The following PARP14 variants were observed in gnomAD, a reference collection of about 807,000 sequenced individuals.
PARP14 encodes poly(ADP-ribose) polymerase family member 14.
A neutral mutation model predicts 154.2 loss-of-function variants in PARP14; 59 were observed. The observed-to-expected ratio is 0.38, with a 90% CI of 0.31 to 0.48. The LOEUF (loss-of-function observed/expected upper bound fraction) is 0.48, where lower values mean the gene tolerates loss of function less well. Among genes scored for constraint, PARP14 ranks in the 20% least tolerant of loss-of-function variants. The pLI, the probability that PARP14 is intolerant of heterozygous loss-of-function variation, is 0.98. For synonymous variants in PARP14, 720 were observed against 780.5 expected, an observed-to-expected ratio of 0.92 and a Z score of 1.29; for missense variants, 1,734 against 2,131.6, an observed-to-expected ratio of 0.81 and a Z score of 3.67.
intron 9 of PARP14, among the ~76,000 whole-genome samples, chr3:122,712,240 CTTTT>C (rs55876947): frequency 1.4e-5 from 2 of 138,358 alleles, no homozygotes. Flanking sequence ...GGATTCACAT[CTTTT>C]TTTTTTTTTT....
At chr3:122,727,455 C>A (rs572984473) in intron 15 of PARP14, among the ~76,000 whole-genome samples, 3 of 152,278 alleles carry the variant, frequency 2.0e-5, no homozygotes, top group African/African-American at 7.2e-5. Flanking sequence ...TGGTGAGAGG[C>A]AAAGTGCAAA....
chr3:122,692,272 T>C, intron 3 of PARP14, 29 bp from the exon 4 acceptor site: 1 of 1,594,156 alleles, frequency 6.3e-7, no homozygotes, highest in Non-Finnish European at 8.6e-7. Flanking sequence ...GTATAACATC[T>C]TGTACCTCTT....
chr3:122,713,543 TC>T lies in PARP14; in HGVS notation c.3740del (p.Ser1247Ter), dbSNP rs1027231874. ...AGAAGAGGCAGATGTGATTGTAAAT[TC>T]AACATCAAACTCATTCAATCTCAAA... ...TKEEADVIVN[S>X]TSNSFNLKAG... is the part of the protein sequence containing the mutation. On this transcript the variant is annotated frameshift_variant, in exon 10 of 17. Transcript: ENST00000474629. LOFTEE classifies it high-confidence loss of function. The T allele has an allele frequency of 6.2e-7, 1 of 1,613,816 alleles. No homozygotes were observed. The highest frequency in any genetic ancestry group is 8.5e-7 in the Non-Finnish European group (1 of 1,179,724).
At position 122,728,338 on chromosome 3, in the gene PARP14, C is replaced by T. The variant is rs757689285; in HGVS notation, c.5147C>T (p.Ala1716Val). The change falls in exon 17 of 17, where the codon GCT (alanine) becomes GTT (valine). Residue 1716 changes from alanine to valine, a missense_variant. This residue lies in a region of PARP14 where 88 missense variants were observed against 155.6 expected (regional missense o/e 0.57). Coordinates refer to ENST00000474629, the MANE Select transcript of PARP14 (RefSeq NM_017554.3). ...AVAYGKGTYF[A>V]VNANYSANDT... is the part of the protein sequence containing the mutation. ...GCATATGGAAAGGGAACCTATTTTG[C>T]TGTCAATGCCAATTATTCTGCCAAT... 4 of 1,613,164 alleles carry T rather than the reference C, an allele frequency of 2.5e-6. No homozygotes were observed. Among genetic ancestry groups the T allele is most frequent in the Admixed American group, 3.3e-5 (2 of 60,010 alleles).
At chr3:122,707,616 C>A (rs977490114) in intron 8 of PARP14, among the ~76,000 whole-genome samples, 1 of 151,810 alleles carries the variant, frequency 6.6e-6, no homozygotes, top group Admixed American at 6.6e-5. Context: ...CTACAAAAAA[C>A]AAACAAACAA....
intron 15 of PARP14, among the ~76,000 whole-genome samples, chr3:122,723,737 A>T: frequency 6.6e-6 from 1 of 152,226 alleles, no homozygotes; most frequent in East Asian, 1.9e-4. Flanking sequence ...CACTGGAATC[A>T]GTAGATTATC....
chr3:122,724,460 ATTTTTT>A (rs956215914), intron 15 of PARP14, among the ~76,000 whole-genome samples: 12 of 102,010 alleles, frequency 1.2e-4, no homozygotes, highest in Admixed American at 5.3e-4. Flanking sequence ...CACCACGCCT[ATTTTTT>A]TTTTTTTTTT....
chr3:122,706,669 G>A (rs1048875156), intron 8 of PARP14, among the ~76,000 whole-genome samples: 3 of 152,060 alleles, frequency 2.0e-5, no homozygotes, highest in African/African-American at 7.2e-5. Flanking sequence ...GTGAGTCTGA[G>A]ATCTTTGCTC....
At position 122,704,570 on chromosome 3, in the gene PARP14, G is replaced by A. The variant is rs1472163954; in HGVS notation, c.3362G>A (p.Ser1121Asn). The A allele has an allele frequency of 6.2e-7, 1 of 1,608,646 alleles. No individual in the cohort carries two copies. The highest frequency in any genetic ancestry group is 8.5e-7 in the Non-Finnish European group (1 of 1,177,262). Residue 1121 changes from serine (S) to asparagine (N), a missense_variant, in exon 8 of 17, where the codon AGC becomes AAC. This residue lies in a region of PARP14 where 1,646 missense variants were observed against 1,976.0 expected (regional missense o/e 0.83). Transcript: ENST00000474629. ...AGAGAATGTATGGAGATCACTGAGA[G>A]CTTGTCCTTAAAATCAATTGCATTT... Reference protein sequence around the residue: ...IIRECMEITESLSLKSIAFPA... With the variant: ...IIRECMEITENLSLKSIAFPA...
rs374550093 is a variant in PARP14 at position 122,687,018 on chromosome 3, A to T, written c.322-62A>T. On this transcript the variant is annotated intron_variant, in intron 2 of 16. Transcript: ENST00000474629. Reference sequence around the variant, plus strand: ...CCATCTCCAGGCTGGTCCCAGGGACATTTTCTTATGTAAATAAATTGTTAA... The same window carrying T: ...CCATCTCCAGGCTGGTCCCAGGGACTTTTTCTTATGTAAATAAATTGTTAA... 404 of 1,213,650 alleles carry T rather than the reference A, an allele frequency of 3.3e-4. No individual in the cohort carries two copies. In the African/African-American group the frequency reaches 5.3e-3, roughly 16 times the overall value. The allele number at this position is 1,213,650 out of a possible 1,614,324, so 75.2% of individuals were successfully genotyped here.
intron 9 of PARP14, among the ~76,000 whole-genome samples, chr3:122,710,311 G>C (rs1939283532): frequency 6.6e-6 from 1 of 152,064 alleles, no homozygotes; most frequent in Non-Finnish European, 1.5e-5. Flanking sequence ...TTATTGAATA[G>C]GTATCCTTTC....
rs551761520 is a variant in PARP14, at chr3:122,693,835, C to T, written c.598+1292C>T. Among the ~76,000 whole-genome samples, 39 of 134,566 alleles carry T rather than the reference C, an allele frequency of 2.9e-4. No individual in the cohort carries two copies. The East Asian group carries it at 5.2e-3, about 18-fold the overall frequency. The allele number at this position is 134,566 out of a possible 152,430, so 88.3% of individuals were successfully genotyped here. On this transcript the variant is annotated intron_variant, in intron 4 of 16. Coordinates refer to ENST00000474629, the MANE Select transcript of PARP14 (RefSeq NM_017554.3). ...CAGCCTGGGTGACAGAGTGAGACCC[C>T]GTGTCTGAAAAAAAAAAAAAGAAAA... is the stretch of plus-strand genomic sequence containing the variant.
intron 3 of PARP14, 82 bp from the exon 4 acceptor site, chr3:122,692,219 A>G: frequency 8.5e-7 from 1 of 1,170,778 alleles, no homozygotes. Flanking sequence ...GAGAGAGGGC[A>G]GTGCCTTGTG....
Position 122,681,038 on chromosome 3 carries a change from C to T in PARP14, c.155C>T (p.Ser52Phe), listed in dbSNP as rs777831118. 2.5e-6 allele frequency: 4 copies of T among 1,613,628 alleles called. No homozygotes were observed. In the African/African-American group the frequency reaches 5.3e-5, roughly 22 times the overall value. ...GTCCGCCAGGATCCCAGGAGCCCAT[C>T]CCGCTTCCTGGTGTTCTTCTACCCG... is the stretch of plus-strand genomic sequence containing the variant. ...CEVRQDPRSP[S>F]RFLVFFYPED... is the part of the protein sequence containing the mutation. Residue 52 changes from serine (S) to phenylalanine (F), a missense_variant, in exon 1 of 17, where the codon TCC becomes TTC. Ser to Phe is a radical substitution (Grantham distance 155). Transcript: ENST00000474629. The surrounding 1 kb of genome is among the most constrained non-coding windows in gnomAD (Gnocchi z 5.5).
chr3:122,728,195 C>T (rs1933338203), intron 16 of PARP14, 113 bp from the exon 17 acceptor site: 3 of 1,060,326 alleles, frequency 2.8e-6, no homozygotes, highest in South Asian at 1.6e-5. Flanking sequence ...GTGAAAAGCA[C>T]ACACAAAAAA....
At position 122,720,401 on chromosome 3, in the gene PARP14, C is replaced by G; in HGVS notation, c.4941+13C>G. 1.2e-6 allele frequency: 2 copies of G among 1,610,058 alleles called. No individual in the cohort carries two copies. Among genetic ancestry groups the G allele is most frequent in the Non-Finnish European group, 1.7e-6 (2 of 1,177,454 alleles). ...CAGAATAGAGAAGGTAAGCCTTCTG[C>G]TAGAATGCAGTTTCTGGATGGTGGA... On this transcript the variant is annotated intron_variant, in intron 15 of 16. Coordinates refer to ENST00000474629, the MANE Select transcript of PARP14 (RefSeq NM_017554.3).
chr3:122,708,659 A>G (rs1397662849), intron 9 of PARP14, among the ~76,000 whole-genome samples: 1 of 152,216 alleles, frequency 6.6e-6, no homozygotes, highest in East Asian at 1.9e-4. Context: ...CTTGAATATA[A>G]AAATGTATGT....
rs763973359 is a variant in PARP14, at chr3:122,695,606, A to G, written c.779A>G (p.Asn260Ser). The change falls in exon 5 of 17, where the codon AAT becomes AGT. Residue 260 changes from asparagine (N) to serine (S), a missense_variant. Coordinates refer to ENST00000474629, the MANE Select transcript of PARP14 (RefSeq NM_017554.3). ...TATAATGGAGGGGGAAGAGTTGCCA[A>G]TGTTGAATATTTTCCTGAAGAGAGT... ...NPYNGGGRVA[N>S]VEYFPEESSA... The G allele has an allele frequency of 4.3e-6, 7 of 1,610,642 alleles. No individual in the cohort carries two copies. Among genetic ancestry groups the G allele is most frequent in the Non-Finnish European group, 5.9e-6 (7 of 1,177,266 alleles).
Position 122,730,481 on chromosome 3 carries a change from G to T in PARP14, c.*1884G>T, listed in dbSNP as rs946438643. 3.3e-5 allele frequency: 5 copies of T among 152,180 alleles called. No homozygotes were observed. Among genetic ancestry groups the T allele is most frequent in the African/African-American group, 1.2e-4 (5 of 41,444 alleles). 9.4% of individuals were successfully genotyped at this position (152,180 alleles called of 1,614,324 possible). ...AGGAACACCTGTACTTGAAGTGGAGGAGGCTAGGGGGCCACAGTTGCTGCT... is the reference window on the plus strand; with the variant it reads ...AGGAACACCTGTACTTGAAGTGGAGTAGGCTAGGGGGCCACAGTTGCTGCT... On this transcript the variant is annotated 3_prime_UTR_variant, in exon 17 of 17. Transcript: ENST00000474629.
Sources: allele counts gnomAD v4.1 joint callset (sites outside exome capture counted in the v4.1 genomes callset), GRCh38; gene constraint gnomAD v4.1.1; regional missense constraint gnomAD v4.1.1; non-coding constraint Gnocchi (gnomAD v3.1); transcripts MANE v1.5; gene names NCBI Gene and HGNC (gene_info 2026-07-23, HGNC 2026-07-21).